LRCH3: variants seen among roughly 807,000 people sequenced by gnomAD.
The protein encoded by LRCH3 is DISP complex protein LRCH3.
Under a neutral mutation model 104.5 loss-of-function variants are expected in LRCH3, and 68 were observed. The observed-to-expected ratio is 0.65, with a 90% confidence interval of 0.54 to 0.80. The LOEUF is 0.80. Among genes scored for constraint, LRCH3 ranks in the 30% least tolerant of loss-of-function variants. The probability of loss-of-function intolerance (pLI) is 0.00; values close to 1 mark genes in which losing one functional copy is unlikely to be tolerated. For synonymous variants in LRCH3, 344 were observed against 361.3 expected (o/e 0.95, Z 0.54); for missense variants, 951 against 953.9 (o/e 1.00, Z 0.04).
intron 1 of LRCH3, among the ~76,000 whole-genome samples, chr3:197,805,077 A>G (rs1732323557): frequency 6.6e-6 from 1 of 152,066 alleles, no homozygotes. Context: ...TATTTTTGGT[A>G]GAGCTGGGGT....
At chr3:197,880,071 G>T (rs370945848) in intron 20 of LRCH3, among the ~76,000 whole-genome samples, 2 of 150,030 alleles carry the variant, frequency 1.3e-5, no homozygotes, top group Non-Finnish European at 3.0e-5. Flanking sequence ...TCAGCCTCCC[G>T]AGTAGCTGGG....
Position 197,826,868 on chromosome 3 carries a change from C to T in LRCH3, c.641-10C>T. 1 of 1,613,828 alleles carries T rather than the reference C, an allele frequency of 6.2e-7. No individual in the cohort carries two copies. The highest frequency in any genetic ancestry group is 8.5e-7 in the Non-Finnish European group (1 of 1,179,906). ...CATTAATTGTTCATTTCCATTTTAC[C>T]TTCTTGCAGAGCTGGCGGAGTTGCC... On this transcript the variant is annotated splice_polypyrimidine_tract_variant and intron_variant, in intron 4 of 20. Coordinates refer to ENST00000425562, the MANE Select transcript of LRCH3 (RefSeq NM_001365715.1).
intron 16 of LRCH3, among the ~76,000 whole-genome samples, chr3:197,865,845 C>T (rs540460850): frequency 6.6e-6 from 1 of 150,922 alleles, no homozygotes; most frequent in Admixed American, 6.6e-5. Flanking sequence ...AAGTGAACAA[C>T]AGCCGTAGGT....
intron 1 of LRCH3, 70 bp from the exon 2 acceptor site, chr3:197,814,838 G>A (rs1172688638): frequency 3.0e-6 from 4 of 1,324,094 alleles, no homozygotes; most frequent in Non-Finnish European, 1.0e-6. Context: ...AGTTTATGTG[G>A]AAAATCAAAA....
In LRCH3 at chr3:197,835,699, C is replaced by G; in HGVS notation, c.1128C>G (p.Asp376Glu). The change falls in exon 9 of 21, where the codon GAC becomes GAG. Residue 376 changes from aspartate to glutamate, a missense_variant. Coordinates refer to ENST00000425562, the MANE Select transcript of LRCH3 (RefSeq NM_001365715.1). ...TGGAACATGATCTGGATCAGATTGA[C>G]TACATAGACAGCTGCACCGCAGAGG... ...GGVEHDLDQI[D>E]YIDSCTAEEE... is the part of the protein sequence containing the mutation. 1 of 1,613,392 alleles carries G rather than the reference C, an allele frequency of 6.2e-7. No individual in the cohort carries two copies. The highest frequency in any genetic ancestry group is 2.2e-5 in the East Asian group (1 of 44,836).
chr3:197,848,181 G>A (rs933500630), intron 12 of LRCH3, 160 bp downstream of exon 12: 1 of 648,244 alleles, frequency 1.5e-6, no homozygotes. Flanking sequence ...GTGTCTATCT[G>A]CATGAGGACA....
At chr3:197,872,187 T>A (rs1355134534) in intron 19 of LRCH3, among the ~76,000 whole-genome samples, 1 of 150,456 alleles carries the variant, frequency 6.6e-6, no homozygotes, top group Non-Finnish European at 1.5e-5. Flanking sequence ...CAAAACCCCG[T>A]CTCTACCAAA....
intron 1 of LRCH3, among the ~76,000 whole-genome samples, chr3:197,803,630 A>G (rs892090698): frequency 1.3e-5 from 2 of 151,464 alleles, no homozygotes; most frequent in Non-Finnish European, 2.9e-5. Flanking sequence ...GCACCACTGC[A>G]CTCTAGCTTA....
chr3:197,829,759 A>G, intron 6 of LRCH3, 86 bp downstream of exon 6: 1 of 887,336 alleles, frequency 1.1e-6, no homozygotes. Context: ...TGAATGTTTG[A>G]CTAAAGGGAA....
chr3:197,869,023 A>G (rs1308448205), intron 17 of LRCH3, among the ~76,000 whole-genome samples: 1 of 152,258 alleles, frequency 6.6e-6, no homozygotes, highest in Non-Finnish European at 1.5e-5. Context: ...AGTTGAGTCA[A>G]CTGGGTAATG....
chr3:197,879,476 C>G (rs1375322219), intron 20 of LRCH3, among the ~76,000 whole-genome samples: 14 of 151,230 alleles, frequency 9.3e-5, no homozygotes, highest in Non-Finnish European at 4.4e-5. Flanking sequence ...GAAACCCCGT[C>G]TCTACTAAAA....
chr3:197,840,003 C>T (rs1395881026), intron 10 of LRCH3, among the ~76,000 whole-genome samples: 1 of 150,718 alleles, frequency 6.6e-6, no homozygotes, highest in Non-Finnish European at 1.5e-5. Context: ...ATACAAAAAA[C>T]GAATTTCGAG....
rs59003766 is a variant in LRCH3 at position 197,887,960 on chromosome 3, G to GACCC, written c.*4296_*4299dup. The stretch of plus-strand genomic sequence containing the variant: ...TCTTGTAATAGCCAGGTCTGGAAAC[G>GACCC]ACCCATGGAAAGAGGGGCCTTTGTA... On this transcript the variant is annotated 3_prime_UTR_variant, in exon 21 of 21. Transcript: ENST00000425562. The GACCC allele has an allele frequency of 6.6e-6, 1 of 152,430 alleles. No individual in the cohort carries two copies. Among genetic ancestry groups the GACCC allele is most frequent in the East Asian group, 1.9e-4 (1 of 5,188 alleles). The allele number at this position is 152,430 out of a possible 1,614,324, so 9.4% of individuals were successfully genotyped here.
At chr3:197,881,043 A>G in intron 20 of LRCH3, 2 of 1,149,090 alleles carry the variant, frequency 1.7e-6, no homozygotes, top group Non-Finnish European at 2.1e-6. Flanking sequence ...CGAATATGAC[A>G]TGTAGAGCTT....
intron 11 of LRCH3, 56 bp from the exon 12 acceptor site, chr3:197,847,816 T>C (rs566116454): frequency 1.6e-5 from 25 of 1,581,356 alleles, no homozygotes; most frequent in Middle Eastern, 1.7e-4. Flanking sequence ...ATAGGGAATA[T>C]TGGTAACGTG....
chr3:197,851,713 G>C (rs1004993438), intron 12 of LRCH3, among the ~76,000 whole-genome samples: 2 of 152,168 alleles, frequency 1.3e-5, no homozygotes, highest in African/African-American at 4.8e-5. Context: ...TAGTATGGTA[G>C]ATGCTATATC....
At chr3:197,858,293 A>T (rs907824454) in intron 14 of LRCH3, among the ~76,000 whole-genome samples, 2 of 152,194 alleles carry the variant, frequency 1.3e-5, no homozygotes, top group Non-Finnish European at 2.9e-5. Context: ...TGAAAGATAA[A>T]GGATTCGAAG....
chr3:197,834,498 C>CT (rs1736414560), intron 8 of LRCH3, among the ~76,000 whole-genome samples: 2 of 152,134 alleles, frequency 1.3e-5, no homozygotes, highest in Non-Finnish European at 1.5e-5. Flanking sequence ...GTCAGAAACT[C>CT]TTTCTTTCTC....
rs1333803960 is a variant in LRCH3 at position 197,814,909 on chromosome 3, C to T, written c.264C>T (p.Asp88=). 1.3e-6 allele frequency: 2 copies of T among 1,589,044 alleles called. No individual in the cohort carries two copies. The highest frequency in any genetic ancestry group is 1.2e-5 in the South Asian group (1 of 83,450). The change falls in exon 2 of 21, where the codon GAC becomes GAT. Residue 88 remains aspartate, a splice_region_variant and synonymous_variant. Coordinates refer to ENST00000425562, the MANE Select transcript of LRCH3 (RefSeq NM_001365715.1). The part of the protein sequence containing the change: ...NHDLTDTTRA[D]LSRNRLSEIP... ...AACCTAATTTAATTTTTCTTTTAGA[C>T]CTGTCGCGAAATCGCCTTTCAGAAA... is the stretch of plus-strand genomic sequence containing the variant.
Sources: allele counts gnomAD v4.1 joint callset (sites outside exome capture counted in the v4.1 genomes callset), GRCh38; gene constraint gnomAD v4.1.1; transcripts MANE v1.5; gene names NCBI Gene and HGNC (gene_info 2026-07-23, HGNC 2026-07-21).